Variants in RHOA observed in about 807,000 individuals in gnomAD.
The protein encoded by RHOA is ras homolog family member A, also known as transforming protein RhoA.
A neutral mutation model predicts 17.5 loss-of-function variants in RHOA; 3 were observed. That is an observed-to-expected ratio of 0.17 (90% confidence interval 0.08 to 0.44). RHOA has a LOEUF of 0.44. RHOA is among the 20% of genes least tolerant of loss of function. The probability of loss-of-function intolerance (pLI) is 0.99; values close to 1 mark genes in which losing one functional copy is unlikely to be tolerated. For missense variants in RHOA, 56 were observed against 242.3 expected (o/e 0.23, Z 5.10); for synonymous variants, 98 against 88.4 (o/e 1.11, Z -0.61).
chr3:49,394,971 C>T (rs73088122), intron 1 of RHOA, among the ~76,000 whole-genome samples: 21,921 of 151,830 alleles, frequency 0.14, 1,786 homozygotes, highest in Middle Eastern at 0.18. Context: ...ATTTGGCGGT[C>T]GGGCGCGGTG....
chr3:49,390,228 G>A (rs769202269), intron 1 of RHOA, among the ~76,000 whole-genome samples: 2 of 151,744 alleles, frequency 1.3e-5, no homozygotes, highest in African/African-American at 2.4e-5. Flanking sequence ...TCCACCTCCC[G>A]GGTTCAAGCG....
intron 1 of RHOA, among the ~76,000 whole-genome samples, chr3:49,411,156 T>TC (rs2048927533): frequency 6.6e-6 from 1 of 152,098 alleles, no homozygotes; most frequent in African/African-American, 2.4e-5. Flanking sequence ...GTTTTTTTTT[T>TC]CCAAATGGAA....
intron 3 of RHOA, among the ~76,000 whole-genome samples, chr3:49,368,037 G>A (rs558502535): frequency 2.0e-5 from 3 of 152,030 alleles, no homozygotes; most frequent in Admixed American, 2.0e-4. Context: ...AGCCTCCCAA[G>A]TACCTGGGAC....
At chr3:49,371,220 C>A (rs2107842946) in intron 2 of RHOA, among the ~76,000 whole-genome samples, 1 of 151,928 alleles carries the variant, frequency 6.6e-6, no homozygotes, top group Non-Finnish European at 1.5e-5. Context: ...AGCAGGCCTA[C>A]TCTTGGTACC....
chr3:49,369,175 C>G (rs1399302913), intron 2 of RHOA, among the ~76,000 whole-genome samples: 2 of 149,846 alleles, frequency 1.3e-5, no homozygotes, highest in Non-Finnish European at 3.0e-5. Flanking sequence ...AGGCGCCCGC[C>G]ACCACGCTTG....
chr3:49,394,519 T>C (rs1168757817), intron 1 of RHOA, among the ~76,000 whole-genome samples: 2 of 152,172 alleles, frequency 1.3e-5, no homozygotes, highest in Non-Finnish European at 2.9e-5. Flanking sequence ...CCCAGCTAAT[T>C]TTTGTAATTT....
intron 3 of RHOA, among the ~76,000 whole-genome samples, chr3:49,363,926 G>C (rs2048012627): frequency 6.6e-6 from 1 of 152,112 alleles, no homozygotes; most frequent in Non-Finnish European, 1.5e-5. Context: ...ACATGTGCCT[G>C]CATTCCCACC....
At chr3:49,367,972 T>C (rs181064919) in intron 3 of RHOA, among the ~76,000 whole-genome samples, 1 of 152,094 alleles carries the variant, frequency 6.6e-6, no homozygotes, top group East Asian at 1.9e-4. Context: ...TGCAGTGCCA[T>C]AATCTCGGCT....
intron 2 of RHOA, among the ~76,000 whole-genome samples, chr3:49,370,473 T>C (rs1027434858): frequency 2.6e-5 from 4 of 152,180 alleles, no homozygotes; most frequent in Non-Finnish European, 5.9e-5. Flanking sequence ...TCTGCTATAA[T>C]GTGGAAACCA....
intron 1 of RHOA, among the ~76,000 whole-genome samples, chr3:49,397,720 T>C (rs2048641416): frequency 6.6e-6 from 1 of 151,922 alleles, no homozygotes; most frequent in Non-Finnish European, 1.5e-5. Flanking sequence ...TAGAGCAACA[T>C]TACGAGATTA....
intron 1 of RHOA, among the ~76,000 whole-genome samples, chr3:49,395,428 T>C (rs926633445): frequency 6.6e-6 from 1 of 151,934 alleles, no homozygotes; most frequent in African/African-American, 2.4e-5. Flanking sequence ...AAACAAAGCC[T>C]GGCCGGGCAC....
At chr3:49,379,228 A>G (rs2048279525) in intron 1 of RHOA, among the ~76,000 whole-genome samples, 3 of 152,184 alleles carry the variant, frequency 2.0e-5, no homozygotes, top group South Asian at 2.1e-4. Flanking sequence ...GATATATGCT[A>G]TAGTATGGAT....
chr3:49,386,565 AT>A (rs1177708801), intron 1 of RHOA, among the ~76,000 whole-genome samples: 1 of 152,124 alleles, frequency 6.6e-6, no homozygotes, highest in East Asian at 1.9e-4. Flanking sequence ...CAGAGTACAC[AT>A]TTCTAAACAT....
chr3:49,411,574 C>T (rs1398187437), intron 1 of RHOA, among the ~76,000 whole-genome samples: 1 of 151,736 alleles, frequency 6.6e-6, no homozygotes, highest in Non-Finnish European at 1.5e-5. Flanking sequence ...CCACCAGGCC[C>T]GGCCGGGCGG....
chr3:49,362,437 C>A, intron 4 of RHOA, 59 bp downstream of exon 4: 1 of 1,507,490 alleles, frequency 6.6e-7, no homozygotes, highest in Non-Finnish European at 8.9e-7. Flanking sequence ...CTCCCCAAAC[C>A]TCCAAACTTG....
chr3:49,395,453 G>A (rs949525069), intron 1 of RHOA, among the ~76,000 whole-genome samples: 3 of 152,096 alleles, frequency 2.0e-5, no homozygotes, highest in Non-Finnish European at 4.4e-5. Context: ...GTTCACACCT[G>A]TAATCCCGGC....
intron 1 of RHOA, chr3:49,406,834 T>G (rs1251499038): frequency 1.3e-5 from 2 of 151,648 alleles, no homozygotes; most frequent in Admixed American, 1.3e-4. Context: ...AAGAAAAAAA[T>G]AAAGCAAAAA....
At chr3:49,375,074 C>T (rs1460029045) in intron 2 of RHOA, among the ~76,000 whole-genome samples, 1 of 151,912 alleles carries the variant, frequency 6.6e-6, no homozygotes, top group African/African-American at 2.4e-5. Context: ...AGTTTGAGAC[C>T]AGCCTGGTGA....
At position 49,391,046 on chromosome 3, in the gene RHOA, G is replaced by A. The variant is rs182805322; in HGVS notation, c.-2-15455C>T. 1.2e-4 allele frequency among the ~76,000 whole-genome samples: 18 copies of A among 151,526 alleles called. No individual in the cohort carries two copies. The East Asian group carries it at 1.6e-3, about 13-fold the overall frequency. On this transcript the variant is annotated intron_variant, in intron 1 of 4. Coordinates refer to ENST00000418115, the MANE Select transcript of RHOA (RefSeq NM_001664.4). ...ACCCTGGCTAACACGGTGAAACCCC[G>A]TCTCTACTAAAAATACAAAAAACTA...
Sources: gnomAD v4.1 joint callset for allele counts (sites outside exome capture counted in the v4.1 genomes callset) on GRCh38, gnomAD v4.1.1 for gene constraint, MANE v1.5 for transcripts, NCBI Gene and HGNC (gene_info 2026-07-23, HGNC 2026-07-21) for gene names.